The following FBN1 variants were observed in gnomAD, a reference collection of about 807,000 sequenced individuals.
FBN1 encodes fibrillin 1.
Under a neutral mutation model 365.1 loss-of-function variants are expected in FBN1, and 29 were observed. The observed-to-expected ratio is 0.08, with a 90% CI of 0.06 to 0.11. FBN1 has a LOEUF of 0.11. FBN1 is among the 10% of genes least tolerant of loss of function. The pLI is 1.00. For synonymous variants in FBN1, 1,210 were observed against 1,270.5 expected, an observed-to-expected ratio of 0.95 and a Z score of 1.01; for missense variants, 2,476 against 3,703.2, an observed-to-expected ratio of 0.67 and a Z score of 8.60.
At chr15:48,548,536 C>T (rs1251499099) in intron 6 of FBN1, among the ~76,000 whole-genome samples, 1 of 152,162 alleles carries the variant, frequency 6.6e-6, no homozygotes, top group Non-Finnish European at 1.5e-5. Flanking sequence ...TTTAAAGTTG[C>T]TCCTGAGACT....
chr15:48,516,232 C>A lies in FBN1; in HGVS notation c.1278G>T (p.Pro426=), dbSNP rs113245313. Residue 426 remains proline (P), a synonymous_variant, in exon 11 of 66, where the codon CCG becomes CCT. Transcript: ENST00000316623. The part of the protein sequence containing the change: ...PPGFPPGPQI[P]VPRPPVEYLY... Reference sequence around the variant, plus strand: ...GATATTCCACTGGTGGTCGAGGGACCGGAATTTGAGGTCCAGGAGGAAAGC... The same window carrying A: ...GATATTCCACTGGTGGTCGAGGGACAGGAATTTGAGGTCCAGGAGGAAAGC... The A allele has an allele frequency of 3.4e-5, 55 of 1,612,488 alleles. No homozygotes were observed. Among genetic ancestry groups the A allele is most frequent in the Middle Eastern group, 1.7e-4 (1 of 6,058 alleles).
intron 6 of FBN1, among the ~76,000 whole-genome samples, chr15:48,576,693 C>T (rs923378074): frequency 6.6e-6 from 1 of 152,194 alleles, no homozygotes; most frequent in Non-Finnish European, 1.5e-5. Flanking sequence ...CAAGAGCCTA[C>T]TAAGTGTCAC....
At chr15:48,440,953 C>T (rs2043109297) in intron 50 of FBN1, among the ~76,000 whole-genome samples, 1 of 143,970 alleles carries the variant, frequency 6.9e-6, no homozygotes, top group African/African-American at 2.6e-5. Flanking sequence ...AACCAAACAA[C>T]AAAAGCTACA....
chr15:48,582,717 AC>A (rs1435854034), intron 6 of FBN1, among the ~76,000 whole-genome samples: 1 of 152,182 alleles, frequency 6.6e-6, no homozygotes, highest in East Asian at 1.9e-4. Flanking sequence ...GCCTAAACAA[AC>A]CATTTTTGTG....
chr15:48,644,789 C>T lies in FBN1; in HGVS notation c.-20G>A. The T allele has an allele frequency of 6.3e-7, 1 of 1,598,492 alleles. No individual in the cohort carries two copies. Among genetic ancestry groups the T allele is most frequent in the South Asian group, 1.1e-5 (1 of 90,814 alleles). On this transcript the variant is annotated 5_prime_UTR_variant, in exon 2 of 66. Coordinates refer to ENST00000316623, the MANE Select transcript of FBN1 (RefSeq NM_000138.5). ...ACGCATGATGCCGAGCCGCCACCGG[C>T]TCCCGCCGCCTCTTGCCGCGCCCGG...
chr15:48,621,981 G>A (rs1472960468), intron 2 of FBN1, among the ~76,000 whole-genome samples: 1 of 150,166 alleles, frequency 6.7e-6, no homozygotes, highest in Non-Finnish European at 1.5e-5. Context: ...CTGGGTGACA[G>A]AGCGAGACTC....
Position 48,495,142 on chromosome 15 carries a change from C to T in FBN1, c.2658G>A (p.Pro886=), listed in dbSNP as rs193922192. The change falls in exon 22 of 66, where the codon CCG becomes CCA. Residue 886 remains proline (P), a synonymous_variant. Transcript: ENST00000316623. The part of the protein sequence containing the change: ...CSSLGAAWGS[P]CTLCQVDPIC... The stretch of plus-strand genomic sequence containing the variant: ...TCTTACCAACTTGGCATAGGGTGCA[C>T]GGGCTTCCCCACGCAGCACCGAGGG... The T allele has an allele frequency of 6.9e-5, 111 of 1,613,986 alleles. No homozygotes were observed. Among genetic ancestry groups the T allele is most frequent in the African/African-American group, 2.4e-4 (18 of 74,908 alleles).
intron 64 of FBN1, among the ~76,000 whole-genome samples, chr15:48,414,280 C>T (rs1482133625): frequency 6.6e-6 from 1 of 152,182 alleles, no homozygotes; most frequent in Non-Finnish European, 1.5e-5. Context: ...CTGTGTGCTT[C>T]CCACGAAACA....
intron 24 of FBN1, among the ~76,000 whole-genome samples, chr15:48,490,877 A>G (rs2043552698): frequency 6.6e-6 from 1 of 152,232 alleles, no homozygotes; most frequent in African/African-American, 2.4e-5. Flanking sequence ...TGTGAAGCTC[A>G]ACTGAGATTA....
Position 48,485,401 on chromosome 15 carries a change from G to A in FBN1, c.3685C>T (p.Leu1229=), listed in dbSNP as rs1352354877. ...YECSCQPGFA[L]MPDQRSCTDI... is the part of the protein sequence containing the mutation. ...GTGCATGATCTCTGGTCAGGCATTA[G>A]TGCAAATCCCGGCTGACAGCTACAT... is the stretch of plus-strand genomic sequence containing the variant. Residue 1229 remains leucine (L), a synonymous_variant, in exon 30 of 66, where the codon CTA becomes TTA. Transcript: ENST00000316623. 6.2e-7 allele frequency: 1 copy of A among 1,614,190 alleles called. No homozygotes were observed. The highest frequency in any genetic ancestry group is 2.2e-5 in the East Asian group (1 of 44,884).
chr15:48,508,733 T>A (rs1182570989), intron 14 of FBN1, 29 bp from the exon 15 acceptor site: 1 of 1,612,662 alleles, frequency 6.2e-7, no homozygotes, highest in African/African-American at 1.3e-5. Flanking sequence ...CATTTTCTTA[T>A]GACCAGAAGA....
At chr15:48,450,526 T>C (rs1195540752) in intron 45 of FBN1, among the ~76,000 whole-genome samples, 2 of 152,204 alleles carry the variant, frequency 1.3e-5, no homozygotes. Flanking sequence ...AACAGGCTAC[T>C]GTGGAAAGAA....
In FBN1 at chr15:48,526,538, G is replaced by A. The variant is rs73394223; in HGVS notation, c.863-283C>T. 0.077 allele frequency among the ~76,000 whole-genome samples: 11,663 copies of A among 152,204 alleles called. 1,561 individuals are homozygous for A. The highest frequency in any genetic ancestry group is 0.27 in the African/African-American group (11,209 of 41,486). Reference sequence around the variant, plus strand: ...ACTGTTGTTTCACCAAGTAACTATAGCATGTTAATGTTACAAATGTCATTT... The same window carrying A: ...ACTGTTGTTTCACCAAGTAACTATAACATGTTAATGTTACAAATGTCATTT... On this transcript the variant is annotated intron_variant, in intron 8 of 65. Coordinates refer to ENST00000316623, the MANE Select transcript of FBN1 (RefSeq NM_000138.5).
chr15:48,638,528 GAATA>G (rs1236828920), intron 2 of FBN1, among the ~76,000 whole-genome samples: 1 of 151,266 alleles, frequency 6.6e-6, no homozygotes, highest in East Asian at 2.0e-4. Flanking sequence ...TTTGTTAAAT[GAATA>G]AATAAGCTTA....
chr15:48,606,703 T>C (rs923402989), intron 4 of FBN1, among the ~76,000 whole-genome samples: 1 of 152,226 alleles, frequency 6.6e-6, no homozygotes, highest in Non-Finnish European at 1.5e-5. Flanking sequence ...TCTTGTACTA[T>C]AGTCTTGCAA....
intron 2 of FBN1, among the ~76,000 whole-genome samples, chr15:48,632,669 G>C (rs1890009371): frequency 6.6e-6 from 1 of 152,082 alleles, no homozygotes; most frequent in Non-Finnish European, 1.5e-5. Flanking sequence ...TTAAAATATG[G>C]TCCCACAATC....
At chr15:48,492,425 AATT>A (rs757393059) in intron 24 of FBN1, 33 bp downstream of exon 24, 9 of 1,595,996 alleles carry the variant, frequency 5.6e-6, no homozygotes, top group South Asian at 3.3e-5. Context: ...ATCGTTAATA[AATT>A]ATTATTAGAA....
Position 48,420,774 on chromosome 15 carries a change from G to T in FBN1, c.7732C>A (p.Gln2578Lys), listed in dbSNP as rs765942432. The T allele has an allele frequency of 6.2e-7, 1 of 1,614,080 alleles. No individual in the cohort carries two copies. The highest frequency in any genetic ancestry group is 8.5e-7 in the Non-Finnish European group (1 of 1,180,008). The change falls in exon 63 of 66, where the codon CAG (glutamine) becomes AAG (lysine). Residue 2578 changes from glutamine (Q) to lysine (K), a missense_variant. By Grantham distance (53) the Gln-to-Lys change is moderately conservative (BLOSUM62 1). Coordinates refer to ENST00000316623, the MANE Select transcript of FBN1 (RefSeq NM_000138.5). ...CCAATGATGTTCTGGCAGCCATGCT[G>T]GCAGCGGTGGTTACCCTCACACTCG... ...VDECEGNHRC[Q>K]HGCQNIIGGY...
chr15:48,565,055 A>T (rs2044249915), intron 6 of FBN1, among the ~76,000 whole-genome samples: 1 of 152,170 alleles, frequency 6.6e-6, no homozygotes, highest in Non-Finnish European at 1.5e-5. Context: ...CCACTTTACG[A>T]TGGTAATAAT....
Sources: allele counts gnomAD v4.1 joint callset (sites outside exome capture counted in the v4.1 genomes callset), GRCh38; gene constraint gnomAD v4.1.1; transcripts MANE v1.5; gene names NCBI Gene and HGNC (gene_info 2026-07-23, HGNC 2026-07-21).